Variants in RBM47 observed in about 807,000 individuals in gnomAD.
The protein encoded by RBM47 is RNA binding motif protein 47.
Under a neutral mutation model 47.1 loss-of-function variants are expected in RBM47, and 21 were observed. The observed-to-expected ratio is 0.45, with a 90% CI of 0.32 to 0.64. RBM47 has a LOEUF of 0.64. Among genes scored for constraint, RBM47 ranks in the 30% least tolerant of loss-of-function variants. The probability of loss-of-function intolerance (pLI) is 0.05; values close to 1 mark genes in which losing one functional copy is unlikely to be tolerated. For synonymous variants in RBM47, 375 were observed against 361.7 expected, an observed-to-expected ratio of 1.04 and a Z score of -0.42; for missense variants, 708 against 870.9, an observed-to-expected ratio of 0.81 and a Z score of 2.35.
At chr4:40,605,545 C>A (rs1735683180) in intron 1 of RBM47, among the ~76,000 whole-genome samples, 1 of 151,930 alleles carries the variant, frequency 6.6e-6, no homozygotes. Context: ...AAATACTGGT[C>A]TTCGGCCGGG....
At chr4:40,483,507 C>A (rs944443434) in intron 2 of RBM47, among the ~76,000 whole-genome samples, 1 of 152,166 alleles carries the variant, frequency 6.6e-6, no homozygotes, top group South Asian at 2.1e-4. Context: ...AGCAGAGAAG[C>A]GCTGTGATCT....
intron 2 of RBM47, among the ~76,000 whole-genome samples, chr4:40,484,776 A>C (rs557898984): frequency 6.6e-6 from 1 of 152,234 alleles, no homozygotes; most frequent in Admixed American, 6.5e-5. Context: ...CCTTCCTCCA[A>C]AAGGATTTTT....
chr4:40,529,348 T>A (rs1209168419), intron 2 of RBM47, among the ~76,000 whole-genome samples: 1 of 150,372 alleles, frequency 6.7e-6, no homozygotes, highest in East Asian at 2.0e-4. Context: ...TGAAACCCTG[T>A]CTCTACTAAA....
intron 2 of RBM47, chr4:40,543,928 A>G (rs1349775564): frequency 6.6e-6 from 1 of 151,908 alleles, no homozygotes; most frequent in East Asian, 1.9e-4. Context: ...AAAAAAAAAA[A>G]ACATTTGTAT....
intron 2 of RBM47, among the ~76,000 whole-genome samples, chr4:40,527,719 A>AT (rs1373355167): frequency 9.2e-6 from 1 of 108,670 alleles, no homozygotes; most frequent in East Asian, 3.2e-4. Context: ...AAGCTAGAAT[A>AT]TTTTTTAACC....
chr4:40,496,473 A>G (rs1722607079), intron 2 of RBM47, among the ~76,000 whole-genome samples: 1 of 150,648 alleles, frequency 6.6e-6, no homozygotes, highest in South Asian at 2.1e-4. Flanking sequence ...CCAAGGCTGG[A>G]AAAAAAAAAT....
intron 1 of RBM47, among the ~76,000 whole-genome samples, chr4:40,619,396 C>T (rs556795571): frequency 6.6e-6 from 1 of 152,176 alleles, no homozygotes; most frequent in Non-Finnish European, 1.5e-5. Flanking sequence ...CCACTGCACT[C>T]CAGCCTGGGT....
chr4:40,446,679 C>T (rs1714568978), intron 3 of RBM47, among the ~76,000 whole-genome samples: 1 of 135,058 alleles, frequency 7.4e-6, no homozygotes, highest in Non-Finnish European at 1.5e-5. Context: ...GTCAAGGCTG[C>T]AGTGAGCTAT....
intron 1 of RBM47, among the ~76,000 whole-genome samples, chr4:40,617,287 G>A (rs1351660305): frequency 6.6e-6 from 1 of 152,058 alleles, no homozygotes; most frequent in African/African-American, 2.4e-5. Context: ...GGCCAGGTGT[G>A]ATGGCTCACA....
intron 2 of RBM47, among the ~76,000 whole-genome samples, chr4:40,491,402 C>CTTAG (rs1366918689): frequency 1.3e-5 from 2 of 152,074 alleles, no homozygotes; most frequent in Non-Finnish European, 2.9e-5. Flanking sequence ...TCTTCATGAC[C>CTTAG]TTAGCTCAGG....
chr4:40,495,194 A>G (rs1253134621), intron 2 of RBM47, among the ~76,000 whole-genome samples: 1 of 152,172 alleles, frequency 6.6e-6, no homozygotes, highest in Non-Finnish European at 1.5e-5. Context: ...TCCTTGGTAT[A>G]TATTACTATG....
chr4:40,563,831 T>C (rs1264060000), intron 1 of RBM47, among the ~76,000 whole-genome samples: 2 of 152,204 alleles, frequency 1.3e-5, no homozygotes, highest in East Asian at 1.9e-4. Flanking sequence ...ACATTTACAA[T>C]GGCAATTGCC....
intron 1 of RBM47, among the ~76,000 whole-genome samples, chr4:40,617,704 A>C (rs751306012): frequency 6.6e-6 from 1 of 150,700 alleles, no homozygotes; most frequent in Non-Finnish European, 1.5e-5. Flanking sequence ...ATATAATATA[A>C]ATATTAAAAT....
intron 1 of RBM47, among the ~76,000 whole-genome samples, chr4:40,593,051 G>A (rs1444090796): frequency 5.6e-5 from 7 of 125,832 alleles, no homozygotes; most frequent in South Asian, 2.6e-4. Context: ...GCTGGAGTCC[G>A]GTGGCGCGAT....
intron 1 of RBM47, among the ~76,000 whole-genome samples, chr4:40,563,672 T>C (rs1486218040): frequency 6.6e-6 from 1 of 152,142 alleles, no homozygotes; most frequent in Non-Finnish European, 1.5e-5. Flanking sequence ...TGGGTTTACT[T>C]CCCCATGTGC....
At chr4:40,470,411 C>G (rs1718677597) in intron 2 of RBM47, among the ~76,000 whole-genome samples, 1 of 152,192 alleles carries the variant, frequency 6.6e-6, no homozygotes. Flanking sequence ...GTCTTCAACA[C>G]ATGGGGGGAC....
intron 2 of RBM47, among the ~76,000 whole-genome samples, chr4:40,467,034 C>T (rs1718161416): frequency 6.6e-6 from 1 of 152,138 alleles, no homozygotes; most frequent in African/African-American, 2.4e-5. Flanking sequence ...AGAAGGAATA[C>T]AGATGTAGCC....
chr4:40,432,598 T>C (rs749487596), intron 6 of RBM47, 53 bp downstream of exon 6: 3 of 1,606,244 alleles, frequency 1.9e-6, no homozygotes, highest in Admixed American at 3.4e-5. Context: ...AATGAATCCA[T>C]GTTAAAGAGA....
chr4:40,454,742 C>A lies in RBM47; in HGVS notation c.-32+11835G>T, dbSNP rs548430548. ...CGACCTCCTGACCTCAGGTGATCCGCCCACCTCAGCCTCCCAAAGTGCTGA... is the reference window on the plus strand; with the variant it reads ...CGACCTCCTGACCTCAGGTGATCCGACCACCTCAGCCTCCCAAAGTGCTGA... On this transcript the variant is annotated intron_variant, in intron 3 of 6. Transcript: ENST00000295971. Among the ~76,000 whole-genome samples, 18 of 152,310 alleles carry A rather than the reference C, an allele frequency of 1.2e-4. No individual in the cohort carries two copies. In the East Asian group the frequency reaches 2.5e-3, roughly 21 times the overall value.
Sources: gnomAD v4.1 joint callset for allele counts (sites outside exome capture counted in the v4.1 genomes callset) on GRCh38, gnomAD v4.1.1 for gene constraint, MANE v1.5 for transcripts, NCBI Gene and HGNC (gene_info 2026-07-23, HGNC 2026-07-21) for gene names.